The following DPYD variants were observed in gnomAD, a reference collection of about 807,000 sequenced individuals.
DPYD encodes dihydropyrimidine dehydrogenase [NADP(+)].
In DPYD, 109 loss-of-function variants were observed where a neutral mutation model predicts 116.2. That is an observed-to-expected ratio of 0.94 (90% confidence interval 0.80 to 1.10). DPYD has a LOEUF of 1.10. Ranked by LOEUF, DPYD falls within the 50% of genes least tolerant of loss-of-function variation. The pLI is 0.00. For synonymous variants in DPYD, 440 were observed against 432.0 expected, an observed-to-expected ratio of 1.02 and a Z score of -0.23; for missense variants, 1,302 against 1,254.5, an observed-to-expected ratio of 1.04 and a Z score of -0.57.
chr1:97,497,273 T>C (rs1679320841), intron 13 of DPYD, among the ~76,000 whole-genome samples: 1 of 151,956 alleles, frequency 6.6e-6, no homozygotes, highest in African/African-American at 2.4e-5. Flanking sequence ...TTGAACTATA[T>C]ATAAACAGTA....
At chr1:97,414,090 A>C (rs1214401692) in intron 14 of DPYD, among the ~76,000 whole-genome samples, 3 of 152,160 alleles carry the variant, frequency 2.0e-5, no homozygotes, top group Non-Finnish European at 2.9e-5. Context: ...CTACTCAACA[A>C]AAAGAAATAA....
At chr1:97,335,620 CAA>C (rs1669248074) in intron 16 of DPYD, among the ~76,000 whole-genome samples, 1 of 152,092 alleles carries the variant, frequency 6.6e-6, no homozygotes, top group African/African-American at 2.4e-5. Flanking sequence ...TGTCAAAACT[CAA>C]AGAGTTCCAT....
intron 16 of DPYD, among the ~76,000 whole-genome samples, chr1:97,354,392 A>G (rs556249707): frequency 5.3e-5 from 8 of 152,304 alleles, no homozygotes; most frequent in African/African-American, 1.9e-4. Flanking sequence ...CCAAACTCCT[A>G]TAGTAAAACG....
chr1:97,185,032 T>A (rs993522320), intron 20 of DPYD, among the ~76,000 whole-genome samples: 1 of 152,166 alleles, frequency 6.6e-6, no homozygotes, highest in African/African-American at 2.4e-5. Flanking sequence ...TTGTAGACGT[T>A]TCCTTCTATT....
At chr1:97,618,033 G>T (rs993608515) in intron 8 of DPYD, among the ~76,000 whole-genome samples, 2 of 152,046 alleles carry the variant, frequency 1.3e-5, no homozygotes, top group Admixed American at 1.3e-4. Context: ...GAAACCAAAT[G>T]GGCAAGTATG....
chr1:97,458,262 G>A (rs531989573), intron 13 of DPYD, among the ~76,000 whole-genome samples: 46 of 152,120 alleles, frequency 3.0e-4, no homozygotes, highest in African/African-American at 9.9e-4. Flanking sequence ...CTACTCTACA[G>A]TCGACTGCAA....
chr1:97,412,724 T>G (rs1191092345), intron 14 of DPYD, among the ~76,000 whole-genome samples: 2 of 152,200 alleles, frequency 1.3e-5, no homozygotes, highest in Admixed American at 1.3e-4. Context: ...AAGAGCATTA[T>G]AAAATCTATA....
chr1:97,738,158 A>T (rs1396218785), intron 4 of DPYD, among the ~76,000 whole-genome samples: 1 of 152,202 alleles, frequency 6.6e-6, no homozygotes, highest in East Asian at 1.9e-4. Context: ...TTATTTCACT[A>T]TATTTATAGA....
intron 16 of DPYD, among the ~76,000 whole-genome samples, chr1:97,367,706 G>T (rs1480405667): frequency 6.6e-6 from 1 of 152,172 alleles, no homozygotes; most frequent in East Asian, 1.9e-4. Context: ...TCTATCCAAA[G>T]AAATCATTAC....
intron 3 of DPYD, among the ~76,000 whole-genome samples, chr1:97,768,642 A>G (rs1289376806): frequency 6.6e-6 from 1 of 152,174 alleles, no homozygotes; most frequent in African/African-American, 2.4e-5. Context: ...CAATTATAAA[A>G]GCTAAATTTC....
intron 1 of DPYD, among the ~76,000 whole-genome samples, chr1:97,918,185 T>A (rs1674323203): frequency 6.6e-6 from 1 of 152,224 alleles, no homozygotes; most frequent in Non-Finnish European, 1.5e-5. Context: ...GAATAAGATA[T>A]ATTTTTCTGT....
chr1:97,588,208 C>T (rs1385472569), intron 10 of DPYD, among the ~76,000 whole-genome samples: 8 of 152,102 alleles, frequency 5.3e-5, no homozygotes, highest in Non-Finnish European at 1.2e-4. Flanking sequence ...AATCAGTTAC[C>T]ATTTTGACAA....
chr1:97,296,840 C>T (rs1429644262), intron 18 of DPYD, among the ~76,000 whole-genome samples: 1 of 151,996 alleles, frequency 6.6e-6, no homozygotes, highest in African/African-American at 2.4e-5. Flanking sequence ...AAACTTCCCA[C>T]TATTTGTTAG....
At chr1:97,580,526 TA>T (rs1356874831) in intron 10 of DPYD, among the ~76,000 whole-genome samples, 2 of 152,166 alleles carry the variant, frequency 1.3e-5, no homozygotes, top group African/African-American at 4.8e-5. Context: ...AACTCTGCCT[TA>T]AAAATCTCAT....
At chr1:97,139,430 T>C (rs555573601) in intron 20 of DPYD, among the ~76,000 whole-genome samples, 1 of 152,278 alleles carries the variant, frequency 6.6e-6, no homozygotes, top group South Asian at 2.1e-4. Flanking sequence ...CAAAACATTA[T>C]GAAAAACCTA....
intron 11 of DPYD, among the ~76,000 whole-genome samples, chr1:97,553,244 T>C (rs965860877): frequency 3.3e-5 from 5 of 152,020 alleles, no homozygotes; most frequent in Non-Finnish European, 7.4e-5. Context: ...GCTAAATACC[T>C]TTCCTAATTT....
At chr1:97,778,219 AGG>A (rs369668980) in intron 3 of DPYD, among the ~76,000 whole-genome samples, 27 of 95,828 alleles carry the variant, frequency 2.8e-4, no homozygotes, top group Non-Finnish European at 3.9e-4. Flanking sequence ...AGAGAGAGAG[AGG>A]GAGGGAGGGA....
intron 11 of DPYD, among the ~76,000 whole-genome samples, chr1:97,561,475 T>C (rs193196351): frequency 4.7e-4 from 71 of 152,284 alleles, no homozygotes; most frequent in African/African-American, 1.5e-3. Context: ...TGGGTTAAAA[T>C]ATAAATAAAG....
intron 3 of DPYD, among the ~76,000 whole-genome samples, chr1:97,788,330 C>A (rs1322486506): frequency 6.6e-6 from 1 of 152,112 alleles, no homozygotes; most frequent in African/African-American, 2.4e-5. Flanking sequence ...CCTTTAGAAT[C>A]CAGACCTCTA....
Sources: gnomAD v4.1 joint callset for allele counts (sites outside exome capture counted in the v4.1 genomes callset) on GRCh38, gnomAD v4.1.1 for gene constraint, MANE v1.5 for transcripts, NCBI Gene and HGNC (gene_info 2026-07-23, HGNC 2026-07-21) for gene names.